WDPCP: variants seen among roughly 807,000 people sequenced by gnomAD.
WDPCP encodes WD repeat containing planar cell polarity effector.
A neutral mutation model predicts 93.1 loss-of-function variants in WDPCP; 71 were observed. The observed-to-expected ratio is 0.76, with a 90% CI of 0.63 to 0.93. The LOEUF is 0.93. Among genes scored for constraint, WDPCP ranks in the 40% least tolerant of loss-of-function variants. The pLI is 0.00. For missense variants in WDPCP, 844 were observed against 887.4 expected, an observed-to-expected ratio of 0.95 and a Z score of 0.62; for synonymous variants, 315 against 315.0, an observed-to-expected ratio of 1.00 and a Z score of 0.00.
At chr2:63,563,798 A>AGGAC (rs943957037) in intron 1 of WDPCP, among the ~76,000 whole-genome samples, 1 of 152,162 alleles carries the variant, frequency 6.6e-6, no homozygotes, top group Non-Finnish European at 1.5e-5. Flanking sequence ...CACAGCAAGA[A>AGGAC]GGACTTCATC....
intron 6 of WDPCP, among the ~76,000 whole-genome samples, chr2:63,474,817 G>A (rs541906637): frequency 2.0e-5 from 3 of 152,174 alleles, no homozygotes; most frequent in South Asian, 2.1e-4. Flanking sequence ...AAATAATTAG[G>A]CCATATGTAC....
chr2:63,175,298 C>G (rs1673723963), intron 14 of WDPCP, among the ~76,000 whole-genome samples: 1 of 151,866 alleles, frequency 6.6e-6, no homozygotes, highest in Admixed American at 6.6e-5. Context: ...TAGAGATGTA[C>G]AGAGGTGTAT....
At chr2:63,554,463 C>T (rs1013956940) in intron 1 of WDPCP, among the ~76,000 whole-genome samples, 2 of 152,004 alleles carry the variant, frequency 1.3e-5, no homozygotes, top group African/African-American at 4.8e-5. Flanking sequence ...ACCAGCCTGG[C>T]CAACGTGGCA....
At chr2:63,294,374 T>C (rs1684680824) in intron 13 of WDPCP, among the ~76,000 whole-genome samples, 1 of 151,814 alleles carries the variant, frequency 6.6e-6, no homozygotes, top group African/African-American at 2.4e-5. Context: ...GGTGGGCATC[T>C]TGGCAAGCCC....
At chr2:63,778,025 T>C (rs776176176) in intron 2 of WDPCP, among the ~76,000 whole-genome samples, 6 of 152,298 alleles carry the variant, frequency 3.9e-5, no homozygotes, top group Admixed American at 6.5e-5. Context: ...ACTGAACTCC[T>C]AGTATGCAAT....
At chr2:63,132,362 A>C (rs1670344532) in intron 17 of WDPCP, among the ~76,000 whole-genome samples, 1 of 151,098 alleles carries the variant, frequency 6.6e-6, no homozygotes, top group South Asian at 2.1e-4. Flanking sequence ...GAACTTCTTG[A>C]GTTTATATGT....
intron 3 of WDPCP, among the ~76,000 whole-genome samples, chr2:63,596,044 C>G (rs562795483): frequency 6.6e-6 from 1 of 152,216 alleles, no homozygotes; most frequent in Admixed American, 6.5e-5. Context: ...ACCATATGCT[C>G]TATAGTTTGA....
At chr2:63,580,058 A>G (rs1232941465) in intron 1 of WDPCP, among the ~76,000 whole-genome samples, 2 of 152,166 alleles carry the variant, frequency 1.3e-5, no homozygotes, top group African/African-American at 4.8e-5. Flanking sequence ...CCAGAAGCCA[A>G]TGCCACACTC....
chr2:63,272,906 G>A (rs529140187), intron 13 of WDPCP, among the ~76,000 whole-genome samples: 2 of 152,140 alleles, frequency 1.3e-5, no homozygotes, highest in South Asian at 2.1e-4. Flanking sequence ...ATATCAAAAC[G>A]TTCCTAAATA....
intron 2 of WDPCP, among the ~76,000 whole-genome samples, chr2:63,710,900 G>A (rs1354364421): frequency 6.6e-6 from 1 of 152,196 alleles, no homozygotes; most frequent in African/African-American, 2.4e-5. Flanking sequence ...CCTGGACTTT[G>A]AGGTATGAAA....
At chr2:63,294,631 C>G (rs1208750062) in intron 13 of WDPCP, among the ~76,000 whole-genome samples, 2 of 148,888 alleles carry the variant, frequency 1.3e-5, no homozygotes, top group African/African-American at 4.9e-5. Context: ...TAAACCTAAA[C>G]TAAGGGAGTT....
chr2:63,135,474 G>C (rs1162831100), intron 17 of WDPCP, among the ~76,000 whole-genome samples: 1 of 152,094 alleles, frequency 6.6e-6, no homozygotes, highest in African/African-American at 2.4e-5. Context: ...TGGGATTACA[G>C]GCATGCGTCA....
intron 1 of WDPCP, among the ~76,000 whole-genome samples, chr2:63,543,706 C>G (rs1704918742): frequency 6.6e-6 from 1 of 151,794 alleles, no homozygotes. Flanking sequence ...TAAAAGAAGA[C>G]ACATAGGCCA....
At chr2:63,193,862 G>A (rs1235099466) in intron 14 of WDPCP, among the ~76,000 whole-genome samples, 2 of 152,106 alleles carry the variant, frequency 1.3e-5, no homozygotes, top group East Asian at 1.9e-4. Flanking sequence ...TTATATGTAC[G>A]TGAAGGTGGC....
At chr2:63,833,080 C>G in the WDPCP span, among the ~76,000 whole-genome samples, 2 of 152,110 alleles carry the variant, frequency 1.3e-5, no homozygotes, top group African/African-American at 4.8e-5. Flanking sequence ...TGGTGAAACT[C>G]CATCTCTACT....
intron 17 of WDPCP, among the ~76,000 whole-genome samples, chr2:63,141,321 C>T (rs1422126303): frequency 1.3e-5 from 2 of 152,216 alleles, no homozygotes; most frequent in Admixed American, 6.5e-5. Context: ...TCGTGATCCA[C>T]CCGCCTCAGC....
intron 3 of WDPCP, among the ~76,000 whole-genome samples, chr2:63,616,198 T>C (rs1709671908): frequency 6.6e-6 from 1 of 152,224 alleles, no homozygotes; most frequent in Admixed American, 6.5e-5. Flanking sequence ...GGGATGGTTC[T>C]CTAAATCTTT....
intron 14 of WDPCP, among the ~76,000 whole-genome samples, chr2:63,253,595 A>G (rs939588121): frequency 6.6e-6 from 1 of 152,208 alleles, no homozygotes; most frequent in Non-Finnish European, 1.5e-5. Flanking sequence ...ATGAACAATC[A>G]TTACTCAAAA....
chr2:63,827,759 G>A (rs1181595743), exon 1 of WDPCP: 2 of 152,304 alleles, frequency 1.3e-5, no homozygotes, highest in African/African-American at 2.4e-5. Context: ...TAACAAGAGG[G>A]ATCTTAACAT....
Sources: allele counts gnomAD v4.1 joint callset (sites outside exome capture counted in the v4.1 genomes callset), GRCh38; gene constraint gnomAD v4.1.1; transcripts MANE v1.5; gene names NCBI Gene and HGNC (gene_info 2026-07-23, HGNC 2026-07-21).